SPANXN4: variants seen among roughly 807,000 people sequenced by gnomAD.
SPANXN4 encodes sperm protein associated with the nucleus on the X chromosome N4.
Under a neutral mutation model 6.0 loss-of-function variants are expected in SPANXN4, and 5 were observed. That is an observed-to-expected ratio of 0.83 (90% CI 0.44 to 1.75). The LOEUF (loss-of-function observed/expected upper bound fraction) is 1.75. Ranked by LOEUF, SPANXN4 falls within the 40% of genes most tolerant of loss-of-function variation. SPANXN4 has a pLI of 0.02. For missense variants in SPANXN4, 157 were observed against 108.6 expected (o/e 1.45, Z -1.98); for synonymous variants, 45 against 38.0 (o/e 1.19, Z -0.68).
chrX:143,029,536 C>T (rs1014492938), intron 1 of SPANXN4, among the ~76,000 whole-genome samples: 4 of 110,982 alleles, frequency 3.6e-5, no homozygotes, highest in South Asian at 3.9e-4. Context: ...ACCATGTAGG[C>T]GTTCCCCGCA....
At chrX:143,033,969 T>C in intron 1 of SPANXN4, 56 bp from the exon 2 acceptor site, 1 of 1,059,500 alleles carries the variant, frequency 9.4e-7, no homozygotes, top group East Asian at 3.3e-5. Flanking sequence ...CTATCTATTC[T>C]CTACCCTCTT....
At chrX:143,032,363 G>A in intron 1 of SPANXN4, among the ~76,000 whole-genome samples, 1 of 110,721 alleles carries the variant, frequency 9.0e-6, no homozygotes, top group African/African-American at 3.3e-5. Context: ...AGGGGGGTGG[G>A]TGTGAGACCT....
downstream of SPANXN4, among the ~76,000 whole-genome samples, chrX:143,037,527 G>A (rs988110211): frequency 9.0e-6 from 1 of 111,606 alleles, no homozygotes; most frequent in Non-Finnish European, 1.9e-5. Flanking sequence ...CCTTAATGGA[G>A]TCAGTACAAG....
At chrX:143,025,983 C>G (rs746924431) in exon 1 of SPANXN4, 3 of 1,183,176 alleles carry the variant, frequency 2.5e-6, no homozygotes, top group Admixed American at 4.5e-5. Flanking sequence ...CTAGAAGATC[C>G]TAGTACAGAA....
At chrX:143,032,107 G>A (rs1360759606) in intron 1 of SPANXN4, among the ~76,000 whole-genome samples, 1 of 111,934 alleles carries the variant, frequency 8.9e-6, no homozygotes, top group Non-Finnish European at 1.9e-5. Flanking sequence ...TGTCTTCTGG[G>A]GAGAGGGTGG....
chrX:143,034,657 T>C (rs1256070378), exon 3 of SPANXN4: 1 of 1,158,419 alleles, frequency 8.6e-7, no homozygotes. Flanking sequence ...TACCTCAGAG[T>C]GGTGTGTTTT....
chrX:143,033,526 G>C (rs1932823595), intron 1 of SPANXN4, among the ~76,000 whole-genome samples: 1 of 111,692 alleles, frequency 9.0e-6, no homozygotes, highest in Admixed American at 9.4e-5. Flanking sequence ...ACCACTTACA[G>C]GCTGGGGTAC....
chrX:143,026,170 C>A (rs1289752878), intron 1 of SPANXN4, 78 bp downstream of exon 1: 2 of 873,439 alleles, frequency 2.3e-6, no homozygotes, highest in Non-Finnish European at 3.2e-6. Flanking sequence ...AACAGCAACA[C>A]GGGTATACTG....
chrX:143,034,513 G>A (rs1319937890), exon 3 of SPANXN4: 8 of 1,142,867 alleles, frequency 7.0e-6, no homozygotes, highest in African/African-American at 3.6e-5. Flanking sequence ...TCACAGGAGA[G>A]GAAGAAAAGG....
downstream of SPANXN4, among the ~76,000 whole-genome samples, chrX:143,035,716 T>C (rs1195664376): frequency 9.0e-6 from 1 of 110,561 alleles, no homozygotes; most frequent in African/African-American, 3.3e-5. Context: ...ATGGGATATA[T>C]ATATAAAGTA....
downstream of SPANXN4, among the ~76,000 whole-genome samples, chrX:143,037,242 T>C (rs1016274515): frequency 1.8e-5 from 2 of 111,182 alleles, no homozygotes; most frequent in African/African-American, 6.5e-5. Context: ...ATATAGAAAG[T>C]GTCAGAATCC....
chrX:143,033,883 C>G lies in SPANXN4; in HGVS notation c.79-145C>G, dbSNP rs138855098. 1,318 of 526,314 alleles carry G rather than the reference C, an allele frequency of 2.5e-3. 9 individuals are homozygous for G. The African/African-American group carries it at 0.028, about 11-fold the overall frequency. 43.4% of individuals were successfully genotyped at this position (526,314 alleles called of 1,213,427 possible). A position where few individuals can be genotyped will look rare whatever the true frequency, so the allele number is the denominator to read the frequency against. On this transcript the variant is annotated intron_variant, in intron 1 of 2. Coordinates refer to ENST00000370504, the Ensembl canonical transcript of SPANXN4. ...CCTCTTCTTCCCCATAGATCCCTAC[C>G]CTATGATTCCACCTTGCTCTTCTCT...
chrX:143,033,930 C>A, intron 1 of SPANXN4, 95 bp from the exon 2 acceptor site: 1 of 817,556 alleles, frequency 1.2e-6, no homozygotes. Context: ...CTTCCTCAAC[C>A]TGCATTCCTT....
chrX:143,038,168 C>T (rs1370200475), downstream of SPANXN4, among the ~76,000 whole-genome samples: 1 of 111,671 alleles, frequency 9.0e-6, no homozygotes, highest in Admixed American at 9.5e-5. Context: ...TTTTTTCTTT[C>T]TTTGAAAGCA....
downstream of SPANXN4, among the ~76,000 whole-genome samples, chrX:143,035,080 A>T (rs1478943505): frequency 9.2e-6 from 1 of 108,373 alleles, no homozygotes; most frequent in Non-Finnish European, 1.9e-5. Context: ...TGTCTCAAAA[A>T]AAAAAAAAAA....
At chrX:143,029,072 T>G (rs1932794165) in intron 1 of SPANXN4, among the ~76,000 whole-genome samples, 1 of 111,063 alleles carries the variant, frequency 9.0e-6, no homozygotes, top group South Asian at 3.8e-4. Flanking sequence ...ATATACAGGT[T>G]GTATGCTGGG....
chrX:143,037,996 A>ACT (rs1932851698), downstream of SPANXN4, among the ~76,000 whole-genome samples: 4 of 111,739 alleles, frequency 3.6e-5, no homozygotes, highest in East Asian at 8.5e-4. Context: ...GTGTAAATGG[A>ACT]CTGATACATC....
chrX:143,037,222 G>A (rs4825150), downstream of SPANXN4, among the ~76,000 whole-genome samples: 53,037 of 109,688 alleles, frequency 0.48, 9,289 homozygotes, highest in Non-Finnish European at 0.54. Context: ...ATACATAAAT[G>A]ACTAAGTTCA....
downstream of SPANXN4, among the ~76,000 whole-genome samples, chrX:143,037,272 G>T (rs1485951078): frequency 9.0e-6 from 1 of 111,194 alleles, no homozygotes; most frequent in African/African-American, 3.3e-5. Flanking sequence ...ACCCAGTCAT[G>T]CTGATCCCAG....
Sources: allele counts gnomAD v4.1 joint callset (sites outside exome capture counted in the v4.1 genomes callset), GRCh38; gene constraint gnomAD v4.1.1; transcripts MANE v1.5; gene names NCBI Gene and HGNC (gene_info 2026-07-23, HGNC 2026-07-21).